The following RPS6KC1 variants were observed in gnomAD, a reference collection of about 807,000 sequenced individuals.
The protein encoded by RPS6KC1 is inactive ribosomal protein S6 kinase delta-1.
Under a neutral mutation model 103.8 loss-of-function variants are expected in RPS6KC1, and 54 were observed. That is an observed-to-expected ratio of 0.52 (90% CI 0.42 to 0.65). The LOEUF is 0.65. Among genes scored for constraint, RPS6KC1 ranks in the 30% least tolerant of loss-of-function variants. The pLI is 0.00. For missense variants in RPS6KC1, 1,151 were observed against 1,253.8 expected, an observed-to-expected ratio of 0.92 and a Z score of 1.24; for synonymous variants, 439 against 438.7, an observed-to-expected ratio of 1.00 and a Z score of -0.01.
At chr1:213,751,229 C>T in the RPS6KC1 span, among the ~76,000 whole-genome samples, 1 of 152,038 alleles carries the variant, frequency 6.6e-6, no homozygotes, top group Non-Finnish European at 1.5e-5. Flanking sequence ...TAAAATCATC[C>T]TGGCAGCCAG....
At chr1:213,636,877 G>A in the RPS6KC1 span, among the ~76,000 whole-genome samples, 2 of 151,800 alleles carry the variant, frequency 1.3e-5, no homozygotes, top group South Asian at 4.2e-4. Context: ...TCTGACAAAG[G>A]GCTAATATCC....
chr1:213,550,705 A>T, the RPS6KC1 span, among the ~76,000 whole-genome samples: 2 of 152,178 alleles, frequency 1.3e-5, no homozygotes, highest in Non-Finnish European at 2.9e-5. Context: ...TTGTTTAGGC[A>T]TCTATCTCTG....
the RPS6KC1 span, among the ~76,000 whole-genome samples, chr1:213,461,459 C>T: frequency 6.6e-6 from 1 of 151,926 alleles, no homozygotes; most frequent in Non-Finnish European, 1.5e-5. Context: ...AACCGAAAAG[C>T]CCATATAGCC....
At chr1:213,053,019 A>G (rs193142211) in intron 1 of RPS6KC1, among the ~76,000 whole-genome samples, 179 of 152,266 alleles carry the variant, frequency 1.2e-3, no homozygotes, top group African/African-American at 3.2e-3. Context: ...GAATAGAGGG[A>G]TGTTTGTTGC....
At chr1:213,270,626 A>T (rs1196569461) in intron 14 of RPS6KC1, among the ~76,000 whole-genome samples, 6 of 152,268 alleles carry the variant, frequency 3.9e-5, no homozygotes, top group South Asian at 2.1e-4. Context: ...TAAATAATAA[A>T]AATATAAAAA....
the RPS6KC1 span, among the ~76,000 whole-genome samples, chr1:213,768,630 G>A: frequency 6.6e-6 from 1 of 152,176 alleles, no homozygotes; most frequent in Admixed American, 6.5e-5. Flanking sequence ...AGAGAGGAAT[G>A]GCACCCCCAA....
chr1:213,693,620 A>C, the RPS6KC1 span, among the ~76,000 whole-genome samples: 8 of 152,200 alleles, frequency 5.3e-5, no homozygotes, highest in Admixed American at 4.6e-4. Context: ...TGCCTGCCTG[A>C]GGAAGGGACC....
At chr1:213,618,000 C>A in the RPS6KC1 span, among the ~76,000 whole-genome samples, 1 of 152,176 alleles carries the variant, frequency 6.6e-6, no homozygotes, top group Non-Finnish European at 1.5e-5. Flanking sequence ...TATTTTTCCA[C>A]TTTGATATAT....
In RPS6KC1 at chr1:213,085,056, C is replaced by T. The variant is rs147331979; in HGVS notation, c.262+7240C>T. Among the ~76,000 whole-genome samples the T allele has an allele frequency of 5.8e-3, 886 of 152,304 alleles. 4 individuals carry two copies. Among genetic ancestry groups the T allele is most frequent in the Middle Eastern group, 0.014 (4 of 294 alleles). Reference sequence around the variant, plus strand: ...GTAAAACAATGGAAATTTATTTTCTCACAGTTATGAAGGCCAAAGTCTGAA... The same window carrying T: ...GTAAAACAATGGAAATTTATTTTCTTACAGTTATGAAGGCCAAAGTCTGAA... On this transcript the variant is annotated intron_variant, in intron 3 of 14. Transcript: ENST00000366960.
the RPS6KC1 span, among the ~76,000 whole-genome samples, chr1:213,729,370 A>G: frequency 6.6e-6 from 1 of 152,234 alleles, no homozygotes; most frequent in African/African-American, 2.4e-5. Flanking sequence ...CAGTGAATCA[A>G]CCTGCTTACT....
chr1:213,211,229 A>G (rs1224031119), intron 8 of RPS6KC1, among the ~76,000 whole-genome samples: 3 of 152,274 alleles, frequency 2.0e-5, no homozygotes, highest in African/African-American at 7.2e-5. Flanking sequence ...AATAGAATAC[A>G]TGTATTCATT....
rs1266645172 is a variant in RPS6KC1 at position 213,272,684 on chromosome 1, A to G, written c.*50A>G. 3 of 1,396,090 alleles carry G rather than the reference A, an allele frequency of 2.1e-6. No individual in the cohort carries two copies. The highest frequency in any genetic ancestry group is 2.3e-5 in the East Asian group (1 of 43,676). The allele number at this position is 1,396,090 out of a possible 1,614,324, so 86.5% of individuals were successfully genotyped here. On this transcript the variant is annotated 3_prime_UTR_variant, in exon 15 of 15. Coordinates refer to ENST00000366960, the MANE Select transcript of RPS6KC1 (RefSeq NM_012424.6). The stretch of plus-strand genomic sequence containing the variant: ...CATTCTGATCTTCTCTGTGACAGGC[A>G]TCTCCAGCACTGAGGCACCTCTGAC...
intron 5 of RPS6KC1, among the ~76,000 whole-genome samples, chr1:213,118,732 A>G (rs985518202): frequency 1.3e-5 from 2 of 151,538 alleles, no homozygotes; most frequent in South Asian, 2.1e-4. Context: ...CTTAGCATCT[A>G]TTTATTTAAA....
the RPS6KC1 span, among the ~76,000 whole-genome samples, chr1:213,610,455 C>T: frequency 1.3e-5 from 2 of 152,130 alleles, no homozygotes; most frequent in African/African-American, 4.8e-5. Context: ...CGTCTGTTTG[C>T]AAGAGCGAGG....
chr1:213,174,795 T>C (rs1267272600), intron 7 of RPS6KC1, among the ~76,000 whole-genome samples: 2 of 152,066 alleles, frequency 1.3e-5, no homozygotes. Context: ...TTTAAGCTTA[T>C]AGGGAGGCAG....
chr1:213,117,936 C>T (rs1276320060), intron 5 of RPS6KC1, among the ~76,000 whole-genome samples: 2 of 144,882 alleles, frequency 1.4e-5, no homozygotes, highest in African/African-American at 2.6e-5. Flanking sequence ...GCACAAGAAT[C>T]GCTTGAACCT....
chr1:213,688,201 C>T, the RPS6KC1 span, among the ~76,000 whole-genome samples: 3 of 152,194 alleles, frequency 2.0e-5, no homozygotes, highest in Non-Finnish European at 2.9e-5. Context: ...GGAAGTAGTT[C>T]TTCCTCCGTC....
At chr1:213,538,820 G>A in the RPS6KC1 span, among the ~76,000 whole-genome samples, 1 of 152,146 alleles carries the variant, frequency 6.6e-6, no homozygotes, top group Non-Finnish European at 1.5e-5. Flanking sequence ...ATACTTATGG[G>A]CTATAATCAC....
At chr1:213,595,460 ATTG>A in the RPS6KC1 span, among the ~76,000 whole-genome samples, 5 of 152,138 alleles carry the variant, frequency 3.3e-5, no homozygotes, top group African/African-American at 1.2e-4. Context: ...ATTTCTTCTC[ATTG>A]TTGTGGTGAG....
Sources: allele counts gnomAD v4.1 joint callset (sites outside exome capture counted in the v4.1 genomes callset), GRCh38; gene constraint gnomAD v4.1.1; transcripts MANE v1.5; gene names NCBI Gene and HGNC (gene_info 2026-07-23, HGNC 2026-07-21).